The following CYLC1 variants were observed in gnomAD, a reference collection of about 807,000 sequenced individuals.
CYLC1 encodes the protein cylicin-1.
In CYLC1, 2 loss-of-function variants were observed where a neutral mutation model predicts 31.6. That is an observed-to-expected ratio of 0.06 (90% CI 0.03 to 0.20). The LOEUF is 0.20. Among genes scored for constraint, CYLC1 ranks in the 10% least tolerant of loss-of-function variants. CYLC1 has a pLI of 1.00. For synonymous variants in CYLC1, 185 were observed against 153.0 expected, an observed-to-expected ratio of 1.21 and a Z score of -1.54; for missense variants, 595 against 424.1, an observed-to-expected ratio of 1.40 and a Z score of -3.54.
chrX:83,877,909 A>AAT (rs1180924227), intron 4 of CYLC1, among the ~76,000 whole-genome samples: 1,617 of 20,978 alleles, frequency 0.077, 135 homozygotes, highest in African/African-American at 0.15. Context: ...AATATATATA[A>AAT]ATATATATAT....
intron 3 of CYLC1, among the ~76,000 whole-genome samples, chrX:83,872,004 A>G (rs766693319): frequency 1.8e-5 from 2 of 111,285 alleles, no homozygotes; most frequent in Non-Finnish European, 3.8e-5. Flanking sequence ...AGGAAAAATA[A>G]GCATATATAG....
At chrX:83,884,036 A>G (rs1419852972) in intron 4 of CYLC1, among the ~76,000 whole-genome samples, 1 of 111,508 alleles carries the variant, frequency 9.0e-6, no homozygotes, top group East Asian at 2.8e-4. Context: ...AAATTATATT[A>G]TGAGATGCAA....
intron 4 of CYLC1, among the ~76,000 whole-genome samples, chrX:83,876,427 A>G (rs749339283): frequency 2.7e-5 from 3 of 111,591 alleles, no homozygotes; most frequent in Non-Finnish European, 5.7e-5. Flanking sequence ...GGCAGTTTTT[A>G]GGAAAAGTAA....
At chrX:83,864,009 A>G (rs1341919246) in intron 1 of CYLC1, among the ~76,000 whole-genome samples, 2 of 111,470 alleles carry the variant, frequency 1.8e-5, no homozygotes, top group South Asian at 7.5e-4. Flanking sequence ...TTGTAGATGC[A>G]TTACACCAAT....
chrX:83,873,036 C>G lies in CYLC1; in HGVS notation c.328C>G (p.Leu110Val). ...ACATCTTTATACTTCCAAAACCCAT[C>G]TTAAAAAAGCAGAATATAAAAAGTC... ...FRHLYTSKTH[L>V]KKAEYKKSKD... The change falls in exon 4 of 5, where the codon CTT becomes GTT. Residue 110 changes from leucine to valine, a missense_variant. Leu to Val is a conservative substitution (Grantham distance 32). Transcript: ENST00000329312. The G allele has an allele frequency of 8.3e-7, 1 of 1,202,285 alleles. No homozygotes were observed. Among genetic ancestry groups the G allele is most frequent in the Non-Finnish European group, 1.1e-6 (1 of 891,532 alleles).
At chrX:83,864,124 T>C (rs1248918024) in intron 1 of CYLC1, among the ~76,000 whole-genome samples, 1 of 111,730 alleles carries the variant, frequency 9.0e-6, no homozygotes, top group African/African-American at 3.3e-5. Flanking sequence ...ACTAGTCACT[T>C]AGATTAGGGC....
In CYLC1 at chrX:83,874,542, T is replaced by C. The variant is rs374765917; in HGVS notation, c.1834T>C (p.Cys612Arg). Residue 612 changes from cysteine to arginine, a missense_variant, in exon 4 of 5, where the codon TGT (cysteine) becomes CGT (arginine). Physicochemically the swap from Cys to Arg is radical, Grantham distance 180 (BLOSUM62 -3). Coordinates refer to ENST00000329312, the MANE Select transcript of CYLC1 (RefSeq NM_021118.3). The part of the protein sequence containing the change: ...PSREKPPLPA[C>R]EPSLPSPKVR... ...AAGAGAAAAACCACCACTCCCTGCT[T>C]GTGAGCCTTCTCTACCATCACCAAA... The C allele has an allele frequency of 1.7e-6, 2 of 1,208,289 alleles. No homozygotes were observed. Among genetic ancestry groups the C allele is most frequent in the African/African-American group, 3.5e-5 (2 of 56,956 alleles).
At chrX:83,861,250 C>A in intron 1 of CYLC1, 51 bp downstream of exon 1, 1 of 903,601 alleles carries the variant, frequency 1.1e-6, no homozygotes, top group South Asian at 2.4e-5. Context: ...CCAATATGCT[C>A]AATTTAGTTA....
intron 1 of CYLC1, among the ~76,000 whole-genome samples, chrX:83,863,758 G>A (rs943430619): frequency 8.9e-6 from 1 of 111,846 alleles, no homozygotes; most frequent in African/African-American, 3.2e-5. Context: ...AGTCCTGTTA[G>A]AGCAGATGCT....
chrX:83,867,437 G>T (rs2031606709), intron 1 of CYLC1, among the ~76,000 whole-genome samples: 1 of 111,494 alleles, frequency 9.0e-6, no homozygotes, highest in African/African-American at 3.3e-5. Flanking sequence ...TTCTATTGTT[G>T]TTGTGGAAAA....
chrX:83,878,071 T>A lies in CYLC1; in HGVS notation c.1923+3440T>A, dbSNP rs1212175812. Among the ~76,000 whole-genome samples the A allele has an allele frequency of 2.1e-3, 128 of 60,742 alleles. 2 individuals are homozygous for A. Among genetic ancestry groups the A allele is most frequent in the African/African-American group, 8.0e-3 (118 of 14,698 alleles). 52.7% of individuals were successfully genotyped at this position (60,742 alleles called of 115,157 possible). A position where few individuals can be genotyped will look rare whatever the true frequency, so the allele number is the denominator to read the frequency against. ...ATATATATATTTGTATATAAATATA[T>A]ATATAAAAATATATATATTTGTATA... On this transcript the variant is annotated intron_variant, in intron 4 of 4. Coordinates refer to ENST00000329312, the MANE Select transcript of CYLC1 (RefSeq NM_021118.3).
Position 83,874,327 on chromosome X carries a change from G to A in CYLC1, c.1619G>A (p.Gly540Asp), listed in dbSNP as rs1462454086. 3.3e-6 allele frequency: 4 copies of A among 1,208,759 alleles called. No individual in the cohort carries two copies. The highest frequency in any genetic ancestry group is 4.5e-6 in the Non-Finnish European group (4 of 893,659). Residue 540 changes from glycine (G) to aspartate (D), a missense_variant, in exon 4 of 5, where the codon GGT becomes GAT. Coordinates refer to ENST00000329312, the MANE Select transcript of CYLC1 (RefSeq NM_021118.3). The part of the protein sequence containing the change: ...TGFKTSTKIK[G>D]SDTESEESLY... ...TTTAAAACATCTACAAAAATCAAAG[G>A]TTCAGATACTGAATCTGAAGAGTCA...
chrX:83,878,644 T>C (rs1320721588), intron 4 of CYLC1, among the ~76,000 whole-genome samples: 1 of 98,646 alleles, frequency 1.0e-5, no homozygotes, highest in Non-Finnish European at 2.0e-5. Flanking sequence ...CATATCACAG[T>C]AGGAGACATT....
At chrX:83,874,913 A>G (rs942743872) in intron 4 of CYLC1, among the ~76,000 whole-genome samples, 35 of 106,330 alleles carry the variant, frequency 3.3e-4, no homozygotes, top group African/African-American at 1.2e-3. Context: ...TCATTTTGCA[A>G]AAAAAAAAGT....
At chrX:83,881,879 G>T (rs2031913035) in intron 4 of CYLC1, among the ~76,000 whole-genome samples, 1 of 109,776 alleles carries the variant, frequency 9.1e-6, no homozygotes. Flanking sequence ...TGTATTTTTA[G>T]TAGAGACGGG....
At chrX:83,871,684 A>C in intron 3 of CYLC1, 114 bp downstream of exon 3, 1 of 707,992 alleles carries the variant, frequency 1.4e-6, no homozygotes, top group Non-Finnish European at 2.0e-6. Context: ...GATATTTTTA[A>C]ATTTGTAATT....
At chrX:83,871,250 TA>T (rs1383943715) in intron 2 of CYLC1, among the ~76,000 whole-genome samples, 3 of 111,354 alleles carry the variant, frequency 2.7e-5, no homozygotes, top group Non-Finnish European at 3.8e-5. Context: ...TCATTTTAAA[TA>T]AAATTCAATG....
At chrX:83,880,143 G>T (rs761135948) in intron 4 of CYLC1, among the ~76,000 whole-genome samples, 145 of 111,640 alleles carry the variant, frequency 1.3e-3, no homozygotes, top group Middle Eastern at 4.6e-3. Flanking sequence ...TGTCTTCCTT[G>T]TTGTATTTTC....
At chrX:83,878,077 A>T (rs1205313753) in intron 4 of CYLC1, among the ~76,000 whole-genome samples, 7 of 59,539 alleles carry the variant, frequency 1.2e-4, no homozygotes, top group South Asian at 1.0e-3. Flanking sequence ...TATATATATA[A>T]AAATATATAT....
Sources: gnomAD v4.1 joint callset for allele counts (sites outside exome capture counted in the v4.1 genomes callset) on GRCh38, gnomAD v4.1.1 for gene constraint, MANE v1.5 for transcripts, NCBI Gene and HGNC (gene_info 2026-07-23, HGNC 2026-07-21) for gene names.